Variants in TIAM1 observed in about 807,000 individuals in gnomAD.
The protein encoded by TIAM1 is TIAM Rac1 associated GEF 1, also known as rho guanine nucleotide exchange factor TIAM1.
TIAM1 carries 65 observed loss-of-function variants against 163.5 expected under a neutral mutation model. The observed-to-expected ratio is 0.40, with a 90% CI of 0.33 to 0.49. The LOEUF is 0.49. Ranked by LOEUF, TIAM1 falls within the 20% of genes least tolerant of loss-of-function variation. The pLI is 0.77. For synonymous variants in TIAM1, 833 were observed against 810.1 expected (o/e 1.03, Z -0.48); for missense variants, 1,789 against 2,044.7 (o/e 0.87, Z 2.41).
chr21:31,167,109 G>A (rs1465211962), intron 15 of TIAM1, among the ~76,000 whole-genome samples: 1 of 31,922 alleles, frequency 3.1e-5, no homozygotes, highest in Non-Finnish European at 5.6e-5. Flanking sequence ...TTTTTTTTTT[G>A]AGATGGAGTT....
In TIAM1 at chr21:31,552,986, C is replaced by T. The variant is rs1601082930; in HGVS notation, c.-422+5941G>A. Among the ~76,000 whole-genome samples, 4 of 152,268 alleles carry T rather than the reference C, an allele frequency of 2.6e-5. No homozygotes were observed. The South Asian group carries it at 8.3e-4, about 32-fold the overall frequency. On this transcript the variant is annotated intron_variant, in intron 1 of 28. Coordinates refer to the TIAM1 transcript ENST00000286827. Reference sequence around the variant, plus strand: ...TCATCTCTCCACCAACAAGCACAGCCGACCCCAGTTAGAACACACTTTGAA... The same window carrying T: ...TCATCTCTCCACCAACAAGCACAGCTGACCCCAGTTAGAACACACTTTGAA...
intron 2 of TIAM1, among the ~76,000 whole-genome samples, chr21:31,403,622 C>T (rs2077201669): frequency 6.6e-6 from 1 of 152,064 alleles, no homozygotes; most frequent in Non-Finnish European, 1.5e-5. Context: ...AAATAATCTA[C>T]CATGGATTCA....
At chr21:31,299,376 C>T (rs1459646841) in intron 2 of TIAM1, among the ~76,000 whole-genome samples, 3 of 152,224 alleles carry the variant, frequency 2.0e-5, no homozygotes, top group Non-Finnish European at 4.4e-5. Flanking sequence ...ACTGCTGACA[C>T]TGGCCCAGGC....
chr21:31,194,471 G>C (rs1306048514), intron 13 of TIAM1, among the ~76,000 whole-genome samples: 1 of 152,178 alleles, frequency 6.6e-6, no homozygotes, highest in Non-Finnish European at 1.5e-5. Flanking sequence ...GTTTTCGGGA[G>C]GGGGTGTAAA....
intron 8 of TIAM1, among the ~76,000 whole-genome samples, chr21:31,222,676 C>CATATATATAT (rs146567405): frequency 1.9e-4 from 9 of 48,234 alleles, no homozygotes; most frequent in Admixed American, 1.3e-3. Context: ...TGTACACATA[C>CATATATATAT]ATATATATAT....
chr21:31,378,393 A>AG (rs1207233159), intron 2 of TIAM1, among the ~76,000 whole-genome samples: 3 of 152,212 alleles, frequency 2.0e-5, no homozygotes, highest in African/African-American at 7.2e-5. Context: ...TGCAAACAGG[A>AG]GTCCTATCTA....
At chr21:31,404,615 A>G (rs1602199123) in intron 2 of TIAM1, among the ~76,000 whole-genome samples, 1 of 150,248 alleles carries the variant, frequency 6.7e-6, no homozygotes, top group South Asian at 2.1e-4. Context: ...TGGTCCTCCT[A>G]CCTCAGCCTC....
intron 2 of TIAM1, among the ~76,000 whole-genome samples, chr21:31,454,563 G>A (rs1308686961): frequency 1.3e-5 from 2 of 152,178 alleles, no homozygotes; most frequent in Admixed American, 6.5e-5. Flanking sequence ...GTGAGGAAGG[G>A]GCCATGTGGA....
chr21:31,485,404 CA>C (rs1312040470), intron 1 of TIAM1, among the ~76,000 whole-genome samples: 1 of 152,188 alleles, frequency 6.6e-6, no homozygotes, highest in African/African-American at 2.4e-5. Context: ...CTCACTGTAG[CA>C]TTGTCCAGGA....
In TIAM1 at chr21:31,278,318, G is replaced by T. The variant is rs536894142; in HGVS notation, c.-188-1410C>A. ...AAAGATCCAAACTGCAATTTAACATGGAAAATCAATGGACAAGAGCTCCAG... is the reference window on the plus strand; with the variant it reads ...AAAGATCCAAACTGCAATTTAACATTGAAAATCAATGGACAAGAGCTCCAG... On this transcript the variant is annotated intron_variant, in intron 2 of 27. Transcript: ENST00000541036. Among the ~76,000 whole-genome samples the T allele has an allele frequency of 2.0e-5, 3 of 152,304 alleles. No individual in the cohort carries two copies. In the East Asian group the frequency reaches 5.8e-4, roughly 29 times the overall value.
At chr21:31,402,132 G>T (rs934235791) in intron 2 of TIAM1, among the ~76,000 whole-genome samples, 8 of 152,028 alleles carry the variant, frequency 5.3e-5, no homozygotes, top group African/African-American at 1.9e-4. Context: ...AGAATCGCTT[G>T]AACCCAGGAG....
At chr21:31,121,307 G>A (rs935832434) in intron 27 of TIAM1, among the ~76,000 whole-genome samples, 3 of 152,140 alleles carry the variant, frequency 2.0e-5, no homozygotes, top group African/African-American at 7.2e-5. Context: ...TTGTTTAGCT[G>A]GAATAGGTCT....
chr21:31,228,056 C>G (rs544914830), intron 6 of TIAM1, among the ~76,000 whole-genome samples: 11 of 149,220 alleles, frequency 7.4e-5, no homozygotes, highest in Admixed American at 2.0e-4. Flanking sequence ...GCATGTGCCA[C>G]CACGCCCAGC....
intron 1 of TIAM1, among the ~76,000 whole-genome samples, chr21:31,465,587 T>TC (rs929436337): frequency 5.3e-5 from 8 of 151,772 alleles, no homozygotes; most frequent in African/African-American, 1.4e-4. Flanking sequence ...TTTTTTTTTT[T>TC]TGAGACGGAG....
At chr21:31,367,255 CA>C (rs1361720509) in intron 2 of TIAM1, among the ~76,000 whole-genome samples, 1 of 152,242 alleles carries the variant, frequency 6.6e-6, no homozygotes, top group Non-Finnish European at 1.5e-5. Context: ...CTTTCAGTTG[CA>C]AGCCCTATGA....
Position 31,194,095 on chromosome 21 carries a change from C to T in TIAM1, c.2575+1129G>A, listed in dbSNP as rs951215356. Among the ~76,000 whole-genome samples, 6 of 152,012 alleles carry T rather than the reference C, an allele frequency of 3.9e-5. No homozygotes were observed. In the South Asian group the frequency reaches 1.2e-3, roughly 32 times the overall value. ...TGGCCGGAAGACCCACTCGGGCACC[C>T]CTCTCTCTCTGCAGGAGAGAGAGCT... On this transcript the variant is annotated intron_variant, in intron 13 of 27. Coordinates refer to ENST00000541036, the MANE Select transcript of TIAM1 (RefSeq NM_001353694.2).
At chr21:31,178,372 T>A (rs2084865385) in intron 15 of TIAM1, among the ~76,000 whole-genome samples, 1 of 140,094 alleles carries the variant, frequency 7.1e-6, no homozygotes, top group South Asian at 2.3e-4. Flanking sequence ...AGTGGTGTGA[T>A]CTCGGCTCAC....
Position 31,153,100 on chromosome 21 carries a change from G to T in TIAM1, c.3206C>A (p.Pro1069His), listed in dbSNP as rs2083454523. ...LNCLMERYLKPLQKETFLTQD... is the reference protein window; with the variant it reads ...LNCLMERYLKHLQKETFLTQD... ...GGTGAGAAAAGTTTCTTTTTGAAGAGGCTTTAGGTATCTCTCCATAAGACA... is the reference window on the plus strand; with the variant it reads ...GGTGAGAAAAGTTTCTTTTTGAAGATGCTTTAGGTATCTCTCCATAAGACA... The change falls in exon 18 of 28, where the codon CCT becomes CAT. Residue 1069 changes from proline to histidine, a missense_variant. Physicochemically the swap from Pro to His is moderately conservative, Grantham distance 77 (BLOSUM62 -2). Transcript: ENST00000541036. 2 of 1,613,364 alleles carry T rather than the reference G, an allele frequency of 1.2e-6. No individual in the cohort carries two copies. The highest frequency in any genetic ancestry group is 1.7e-6 in the Non-Finnish European group (2 of 1,179,852).
chr21:31,215,450 A>T (rs2087128149), intron 9 of TIAM1, among the ~76,000 whole-genome samples: 1 of 151,656 alleles, frequency 6.6e-6, no homozygotes, highest in Non-Finnish European at 1.5e-5. Flanking sequence ...AATCCCAGCT[A>T]CTCAGGAGGT....
Sources: allele counts gnomAD v4.1 joint callset (sites outside exome capture counted in the v4.1 genomes callset), GRCh38; gene constraint gnomAD v4.1.1; transcripts MANE v1.5; gene names NCBI Gene and HGNC (gene_info 2026-07-23, HGNC 2026-07-21).